The following WWTR1 variants were observed in gnomAD, a reference collection of about 807,000 sequenced individuals.
The protein encoded by WWTR1 is WW domain-containing transcription regulator protein 1.
WWTR1 carries 13 observed loss-of-function variants against 40.1 expected under a neutral mutation model. The observed-to-expected ratio is 0.32, with a 90% CI of 0.21 to 0.52. The LOEUF (loss-of-function observed/expected upper bound fraction) is 0.52, where lower values mean the gene tolerates loss of function less well. Among genes scored for constraint, WWTR1 ranks in the 20% least tolerant of loss-of-function variants. WWTR1 has a pLI of 0.97. For missense variants in WWTR1, 436 were observed against 523.1 expected (o/e 0.83, Z 1.63); for synonymous variants, 230 against 210.1 (o/e 1.09, Z -0.82).
intron 2 of WWTR1, among the ~76,000 whole-genome samples, chr3:149,623,383 A>G (rs962310827): frequency 2.6e-5 from 4 of 152,198 alleles, no homozygotes; most frequent in African/African-American, 9.7e-5. Flanking sequence ...AATGTTTATC[A>G]TATGGCCATT....
At chr3:149,694,437 AC>A (rs1243934681) in intron 1 of WWTR1, among the ~76,000 whole-genome samples, 1 of 152,194 alleles carries the variant, frequency 6.6e-6, no homozygotes, top group African/African-American at 2.4e-5. Flanking sequence ...CAACAAAAAA[AC>A]AAGGGATTAA....
At chr3:149,528,064 G>A in intron 4 of WWTR1, 95 bp from the exon 5 acceptor site, 3 of 1,465,922 alleles carry the variant, frequency 2.0e-6, no homozygotes, top group Non-Finnish European at 2.7e-6. Flanking sequence ...CAAATACAAA[G>A]CACTGTGTAT....
At chr3:149,536,407 A>C (rs1316968033) in intron 4 of WWTR1, among the ~76,000 whole-genome samples, 2 of 151,824 alleles carry the variant, frequency 1.3e-5, no homozygotes, top group Non-Finnish European at 2.9e-5. Flanking sequence ...GCCTACATTT[A>C]TGCTTCATGA....
intron 3 of WWTR1, among the ~76,000 whole-genome samples, chr3:149,551,332 C>T (rs879562488): frequency 1.4e-5 from 2 of 144,412 alleles, no homozygotes; most frequent in African/African-American, 5.3e-5. Flanking sequence ...TAGAGGCTGA[C>T]ATTGTTTTTA....
intron 4 of WWTR1, among the ~76,000 whole-genome samples, chr3:149,723,770 G>A (rs756913340): frequency 3.9e-5 from 6 of 152,120 alleles, no homozygotes; most frequent in Admixed American, 1.3e-4. Context: ...GGAGGGACTC[G>A]CAACAATGGG....
chr3:149,659,142 G>T (rs758622182), upstream of WWTR1, among the ~76,000 whole-genome samples: 1 of 152,100 alleles, frequency 6.6e-6, no homozygotes, highest in Admixed American at 6.6e-5. Context: ...GGGAAAGGGT[G>T]GGGGGAGATG....
At chr3:149,538,430 CA>C (rs1242497426) in intron 4 of WWTR1, among the ~76,000 whole-genome samples, 30 of 152,096 alleles carry the variant, frequency 2.0e-4, no homozygotes, top group African/African-American at 6.8e-4. Context: ...CTTCCTTTCA[CA>C]GAAATGCACT....
At chr3:149,635,360 C>T (rs1668078358) in intron 2 of WWTR1, among the ~76,000 whole-genome samples, 1 of 151,924 alleles carries the variant, frequency 6.6e-6, no homozygotes, top group Non-Finnish European at 1.5e-5. Context: ...CATTACAGTC[C>T]CATTACTAGG....
At chr3:149,720,123 T>A (rs916887065) in intron 4 of WWTR1, among the ~76,000 whole-genome samples, 1 of 152,248 alleles carries the variant, frequency 6.6e-6, no homozygotes, top group Admixed American at 6.5e-5. Context: ...TAAATTTTCA[T>A]GAAGTCCAAT....
chr3:149,578,569 C>T (rs1261966244), intron 2 of WWTR1, among the ~76,000 whole-genome samples: 1 of 152,060 alleles, frequency 6.6e-6, no homozygotes, highest in Non-Finnish European at 1.5e-5. Context: ...AAACATTGTG[C>T]AAACATAGTA....
intron 2 of WWTR1, among the ~76,000 whole-genome samples, chr3:149,651,252 C>G (rs953394064): frequency 3.9e-5 from 6 of 152,148 alleles, no homozygotes; most frequent in South Asian, 2.1e-4. Context: ...TAAAAAAGGA[C>G]TTGAAAAACT....
Position 149,540,372 on chromosome 3 carries a change from C to T in WWTR1, c.771+1963G>A, listed in dbSNP as rs779917100. 208 of 431,254 alleles carry T rather than the reference C, an allele frequency of 4.8e-4. 1 individual carries two copies. Among genetic ancestry groups the T allele is most frequent in the Middle Eastern group, 3.4e-3 (10 of 2,952 alleles). The allele number at this position is 431,254 out of a possible 1,614,324, so 26.7% of individuals were successfully genotyped here. On this transcript the variant is annotated intron_variant, in intron 4 of 6. Coordinates refer to ENST00000360632, the MANE Select transcript of WWTR1 (RefSeq NM_015472.6). ...GAAACAATTTGGGGCACTTTTCCCA[C>T]CCCTTTTCAGAAATACTTTCTGTGG...
At chr3:149,690,646 T>A (rs185313226) in intron 1 of WWTR1, among the ~76,000 whole-genome samples, 1 of 152,304 alleles carries the variant, frequency 6.6e-6, no homozygotes, top group African/African-American at 2.4e-5. Flanking sequence ...AAGATAGAGA[T>A]AGATCCTAAT....
At chr3:149,625,113 T>G (rs1349048371) in intron 2 of WWTR1, among the ~76,000 whole-genome samples, 2 of 148,668 alleles carry the variant, frequency 1.3e-5, no homozygotes, top group South Asian at 2.1e-4. Context: ...TTTTTTTTTT[T>G]TTTTTTTGGT....
chr3:149,667,615 T>C (rs1213716741), intron 2 of WWTR1, among the ~76,000 whole-genome samples: 3 of 152,118 alleles, frequency 2.0e-5, no homozygotes, highest in Non-Finnish European at 2.9e-5. Context: ...CATCCCACTA[T>C]GCTCCAAATT....
At chr3:149,536,777 GA>G (rs1735860418) in intron 4 of WWTR1, among the ~76,000 whole-genome samples, 4 of 149,442 alleles carry the variant, frequency 2.7e-5, no homozygotes, top group Non-Finnish European at 5.9e-5. Context: ...AAAAAAGAAA[GA>G]AAAGGTTGAG....
chr3:149,580,453 G>T (rs111554722), intron 2 of WWTR1, among the ~76,000 whole-genome samples: 524 of 152,270 alleles, frequency 3.4e-3, no homozygotes, highest in African/African-American at 0.012. Context: ...GGAGCCCATT[G>T]CAGGAGAAAC....
intron 4 of WWTR1, among the ~76,000 whole-genome samples, chr3:149,532,610 C>G (rs1286810130): frequency 6.6e-6 from 1 of 152,090 alleles, no homozygotes; most frequent in African/African-American, 2.4e-5. Flanking sequence ...TATTCCAACT[C>G]ATGAACTGAA....
intron 3 of WWTR1, among the ~76,000 whole-genome samples, chr3:149,565,521 C>T (rs113652102): frequency 7.8e-4 from 118 of 152,212 alleles, no homozygotes; most frequent in African/African-American, 2.7e-3. Context: ...CTATTATGTC[C>T]TGCTTTATTA....
Sources: allele counts gnomAD v4.1 joint callset (sites outside exome capture counted in the v4.1 genomes callset), GRCh38; gene constraint gnomAD v4.1.1; transcripts MANE v1.5; gene names NCBI Gene and HGNC (gene_info 2026-07-23, HGNC 2026-07-21).